Variants in SDK1 observed in about 807,000 individuals in gnomAD.
SDK1 encodes the protein protein sidekick-1.
A neutral mutation model predicts 245.5 loss-of-function variants in SDK1; 157 were observed. That is an observed-to-expected ratio of 0.64 (90% confidence interval 0.56 to 0.73). The LOEUF (loss-of-function observed/expected upper bound fraction) is 0.73. SDK1 is among the 30% of genes least tolerant of loss of function. The pLI, the probability that SDK1 is intolerant of heterozygous loss-of-function variation, is 0.00. For synonymous variants in SDK1, 1,647 were observed against 1,278.5 expected (o/e 1.29, Z -6.15); for missense variants, 3,583 against 3,002.3 (o/e 1.19, Z -4.52).
At chr7:3,658,417 G>A (rs190587021) in intron 4 of SDK1, among the ~76,000 whole-genome samples, 60 of 152,048 alleles carry the variant, frequency 3.9e-4, no homozygotes, top group African/African-American at 1.2e-3. Flanking sequence ...AATGAGTCTG[G>A]CTTCTGAAGG....
At chr7:3,764,577 GA>G (rs1427864221) in intron 4 of SDK1, among the ~76,000 whole-genome samples, 1 of 152,140 alleles carries the variant, frequency 6.6e-6, no homozygotes, top group Non-Finnish European at 1.5e-5. Context: ...AGCTAATTGG[GA>G]GGCTGAGGCA....
intron 1 of SDK1, among the ~76,000 whole-genome samples, chr7:3,541,480 C>T (rs1269410930): frequency 6.6e-6 from 1 of 152,222 alleles, no homozygotes; most frequent in Non-Finnish European, 1.5e-5. Flanking sequence ...TCTTTTCCTT[C>T]TCTTCCTTCT....
chr7:3,365,218 C>T (rs1448911951), intron 1 of SDK1, among the ~76,000 whole-genome samples: 1 of 152,134 alleles, frequency 6.6e-6, no homozygotes, highest in Non-Finnish European at 1.5e-5. Flanking sequence ...AGATTGTTTG[C>T]TAGAGAATGG....
chr7:3,623,729 T>C (rs1010115024), intron 2 of SDK1, among the ~76,000 whole-genome samples: 1 of 152,208 alleles, frequency 6.6e-6, no homozygotes, highest in African/African-American at 2.4e-5. Flanking sequence ...TCTTTTCTAA[T>C]TATATTCAAC....
chr7:3,796,526 C>G lies in SDK1; in HGVS notation c.714-24924C>G, dbSNP rs542024107. Among the ~76,000 whole-genome samples the G allele has an allele frequency of 5.3e-3, 801 of 152,126 alleles. 8 individuals carry two copies. The highest frequency in any genetic ancestry group is 0.018 in the African/African-American group (747 of 41,432). The stretch of plus-strand genomic sequence containing the variant: ...TCATCAGTAATGCCCCTCTCCCCCC[C>G]AGCCTACAATCCATTCCAGGACCCC... On this transcript the variant is annotated intron_variant, in intron 4 of 44. Transcript: ENST00000404826.
chr7:3,339,597 T>G (rs1379023221), intron 1 of SDK1, among the ~76,000 whole-genome samples: 1 of 152,042 alleles, frequency 6.6e-6, no homozygotes, highest in Non-Finnish European at 1.5e-5. Context: ...GGAATCAAAC[T>G]AAAAATAGTA....
intron 35 of SDK1, among the ~76,000 whole-genome samples, chr7:4,185,369 ACT>A (rs1782827564): frequency 6.6e-6 from 1 of 151,924 alleles, no homozygotes; most frequent in African/African-American, 2.4e-5. Flanking sequence ...CCTTCAAGAC[ACT>A]CACTATTCAT....
chr7:3,488,047 C>G lies in SDK1; in HGVS notation c.299-131033C>G, dbSNP rs56862729. ...TTCTTATTAGACTAGAGGCTTGTTT[C>G]CCCCACACCTTTCAAAGAAGTCTCT... On this transcript the variant is annotated intron_variant, in intron 1 of 44. Coordinates refer to ENST00000404826, the MANE Select transcript of SDK1 (RefSeq NM_152744.4). Among the ~76,000 whole-genome samples, 779 of 152,222 alleles carry G rather than the reference C, an allele frequency of 5.1e-3. 6 individuals are homozygous for G. The highest frequency in any genetic ancestry group is 0.018 in the African/African-American group (746 of 41,540).
chr7:3,605,296 T>G (rs946733641), intron 1 of SDK1, among the ~76,000 whole-genome samples: 7 of 152,222 alleles, frequency 4.6e-5, no homozygotes, highest in African/African-American at 1.4e-4. Flanking sequence ...ACTGTATAAT[T>G]CTATCTGTAA....
At chr7:3,969,792 A>G (rs1415765092) in intron 11 of SDK1, among the ~76,000 whole-genome samples, 4 of 152,222 alleles carry the variant, frequency 2.6e-5, no homozygotes, top group African/African-American at 9.7e-5. Context: ...TATTTTGCTA[A>G]ACATTTGTTA....
chr7:3,885,956 C>T (rs961270817), intron 5 of SDK1, among the ~76,000 whole-genome samples: 2 of 152,278 alleles, frequency 1.3e-5, no homozygotes, highest in Non-Finnish European at 2.9e-5. Flanking sequence ...TGGATGGTCT[C>T]AGAGGCATCC....
intron 1 of SDK1, among the ~76,000 whole-genome samples, chr7:3,453,131 C>CA (rs375127391): frequency 1.1e-3 from 159 of 148,736 alleles, no homozygotes; most frequent in African/African-American, 3.8e-3. Flanking sequence ...AGCAGTTTAA[C>CA]CCCCCCCGGT....
At position 3,440,092 on chromosome 7, in the gene SDK1, A is replaced by T. The variant is rs538486288; in HGVS notation, c.298+138208A>T. On this transcript the variant is annotated intron_variant, in intron 1 of 44. Coordinates refer to ENST00000404826, the MANE Select transcript of SDK1 (RefSeq NM_152744.4). ...AGTTTCAGTCACCTGTGGTCCGAAA[A>T]CATTAAATGGAAATCCGGAAGTAAA... 6.6e-5 allele frequency among the ~76,000 whole-genome samples: 10 copies of T among 152,278 alleles called. No homozygotes were observed. In the East Asian group the frequency reaches 1.9e-3, roughly 29 times the overall value.
chr7:3,950,312 T>C lies in SDK1; in HGVS notation c.848-611T>C, dbSNP rs181789913. Among the ~76,000 whole-genome samples, 40 of 152,250 alleles carry C rather than the reference T, an allele frequency of 2.6e-4. No homozygotes were observed. In the East Asian group the frequency reaches 7.4e-3, roughly 28 times the overall value. Reference sequence around the variant, plus strand: ...AGGTAGGGGCCATGAAATTTGGGTTTCCTATTAGCGTGACTCTGACAATAG... The same window carrying C: ...AGGTAGGGGCCATGAAATTTGGGTTCCCTATTAGCGTGACTCTGACAATAG... On this transcript the variant is annotated intron_variant, in intron 5 of 44. Coordinates refer to ENST00000404826, the MANE Select transcript of SDK1 (RefSeq NM_152744.4).
chr7:4,201,162 C>A (rs930221238), intron 35 of SDK1, among the ~76,000 whole-genome samples: 5 of 152,220 alleles, frequency 3.3e-5, no homozygotes, highest in African/African-American at 1.2e-4. Context: ...TCTTGCACTT[C>A]TGCCTTGAGT....
intron 25 of SDK1, among the ~76,000 whole-genome samples, chr7:4,115,282 G>T (rs1334948583): frequency 6.6e-6 from 1 of 152,076 alleles, no homozygotes; most frequent in Non-Finnish European, 1.5e-5. Flanking sequence ...ACAGATGGAG[G>T]GGCTGTTCAT....
intron 1 of SDK1, among the ~76,000 whole-genome samples, chr7:3,498,099 T>G (rs545108645): frequency 2.0e-5 from 3 of 152,358 alleles, no homozygotes; most frequent in South Asian, 4.1e-4. Flanking sequence ...CTACATTTAA[T>G]TTGAAGTTTC....
At chr7:3,701,840 T>G (rs933806394) in intron 4 of SDK1, among the ~76,000 whole-genome samples, 1 of 151,264 alleles carries the variant, frequency 6.6e-6, no homozygotes, top group African/African-American at 2.4e-5. Flanking sequence ...GCCAAGAGAT[T>G]TTTGACAAAA....
chr7:3,760,969 G>T (rs1780080444), intron 4 of SDK1, among the ~76,000 whole-genome samples: 2 of 152,192 alleles, frequency 1.3e-5, no homozygotes, highest in African/African-American at 4.8e-5. Flanking sequence ...TGTTTTGGTT[G>T]TTGGGATGGT....
Sources: gnomAD v4.1 joint callset for allele counts (sites outside exome capture counted in the v4.1 genomes callset) on GRCh38, gnomAD v4.1.1 for gene constraint, MANE v1.5 for transcripts, NCBI Gene and HGNC (gene_info 2026-07-23, HGNC 2026-07-21) for gene names.